PLCG2: variants seen among roughly 807,000 people sequenced by gnomAD.
PLCG2 encodes the protein 1-phosphatidylinositol 4,5-bisphosphate phosphodiesterase gamma-2.
A neutral mutation model predicts 175.6 loss-of-function variants in PLCG2; 69 were observed. The ratio of observed to expected loss-of-function variants is 0.39; its 90% CI spans 0.32 to 0.48. PLCG2 has a LOEUF of 0.48. Ranked by LOEUF, PLCG2 falls within the 20% of genes least tolerant of loss-of-function variation. The pLI is 0.91. For synonymous variants in PLCG2, 827 were observed against 624.0 expected (o/e 1.33, Z -4.85); for missense variants, 1,798 against 1,650.9 (o/e 1.09, Z -1.54).
At chr16:81,828,277 GCT>G (rs1905125946) in intron 2 of PLCG2, among the ~76,000 whole-genome samples, 1 of 96,320 alleles carries the variant, frequency 1.0e-5, no homozygotes, top group East Asian at 3.5e-4. Context: ...ACAGAATCTT[GCT>G]CTGTCACCCA....
intron 5 of PLCG2, among the ~76,000 whole-genome samples, chr16:81,861,764 G>A (rs964831897): frequency 2.0e-5 from 3 of 152,246 alleles, no homozygotes; most frequent in Non-Finnish European, 2.9e-5. Context: ...TCTCCACGCG[G>A]TGCTGGTATG....
At chr16:81,895,751 C>G (rs201085570) in intron 12 of PLCG2, 56 bp from the exon 13 acceptor site, 16 of 1,605,416 alleles carry the variant, frequency 1.0e-5, no homozygotes, top group African/African-American at 2.7e-5. Context: ...GGGGGCTGAC[C>G]TCGGGGCTGT....
At chr16:81,900,905 C>A in intron 14 of PLCG2, 125 bp downstream of exon 14, 1 of 765,728 alleles carries the variant, frequency 1.3e-6, no homozygotes, top group Non-Finnish European at 2.1e-6. Context: ...TGCACAGGCT[C>A]AAATCTGCTC....
At chr16:81,876,667 C>T (rs1033583834) in intron 7 of PLCG2, among the ~76,000 whole-genome samples, 6 of 152,172 alleles carry the variant, frequency 3.9e-5, no homozygotes, top group Admixed American at 6.5e-5. Context: ...CCAAGAGGCA[C>T]AGTGGTTAAC....
chr16:81,803,015 T>A (rs1911805426), intron 2 of PLCG2, among the ~76,000 whole-genome samples: 1 of 152,170 alleles, frequency 6.6e-6, no homozygotes, highest in African/African-American at 2.4e-5. Context: ...ACCTCTACTT[T>A]ACTTTCCCCC....
At chr16:81,935,428 A>T (rs1910667396) in intron 26 of PLCG2, 2 of 521,506 alleles carry the variant, frequency 3.8e-6, no homozygotes, top group Non-Finnish European at 4.7e-6. Context: ...GGGCCATTTA[A>T]AAAAAAAAAG....
chr16:81,833,725 G>A lies in PLCG2; in HGVS notation c.194-20719G>A, dbSNP rs544897612. 9.2e-5 allele frequency among the ~76,000 whole-genome samples: 14 copies of A among 151,858 alleles called. No individual in the cohort carries two copies. The East Asian group carries it at 2.7e-3, about 29-fold the overall frequency. ...TTATATATATTTTTTTGTAGAGGTG[G>A]GAACTTACAGCCAAGGTGAGGGTGT... On this transcript the variant is annotated intron_variant, in intron 2 of 32. Coordinates refer to ENST00000564138, the MANE Select transcript of PLCG2 (RefSeq NM_002661.5).
At chr16:81,769,010 C>G (rs991567864) in intron 2 of PLCG2, among the ~76,000 whole-genome samples, 1 of 152,170 alleles carries the variant, frequency 6.6e-6, no homozygotes, top group Admixed American at 6.5e-5. Flanking sequence ...TAGTAACTGA[C>G]ATGTGGTAGG....
intron 2 of PLCG2, among the ~76,000 whole-genome samples, chr16:81,791,569 T>TTTTG (rs960967194): frequency 1.3e-5 from 2 of 152,098 alleles, no homozygotes; most frequent in African/African-American, 4.8e-5. Context: ...TGGGATTATT[T>TTTTG]TTTGTTTGTT....
intron 3 of PLCG2, among the ~76,000 whole-genome samples, chr16:81,857,334 C>T (rs1906737237): frequency 6.6e-6 from 1 of 152,168 alleles, no homozygotes; most frequent in Admixed American, 6.5e-5. Flanking sequence ...AATTCCTCAG[C>T]TTTTTCATCC....
At chr16:81,773,493 A>T (rs1910327842) in intron 2 of PLCG2, among the ~76,000 whole-genome samples, 1 of 152,170 alleles carries the variant, frequency 6.6e-6, no homozygotes, top group African/African-American at 2.4e-5. Context: ...GCTGGGATTC[A>T]CACTGAGGCC....
chr16:81,768,087 A>G (rs888195994), intron 2 of PLCG2, among the ~76,000 whole-genome samples: 3 of 152,026 alleles, frequency 2.0e-5, no homozygotes, highest in African/African-American at 4.8e-5. Flanking sequence ...ATGGGGTTTC[A>G]CCATGTTGAC....
At chr16:81,920,506 G>A (rs1045169837) in intron 20 of PLCG2, among the ~76,000 whole-genome samples, 3 of 152,228 alleles carry the variant, frequency 2.0e-5, no homozygotes, top group Non-Finnish European at 4.4e-5. Context: ...ACCTTAGGCT[G>A]TGGGAGTGGA....
Position 81,931,633 on chromosome 16 carries a change from C to T in PLCG2, c.2718C>T (p.Ile906=). The T allele has an allele frequency of 1.2e-6, 2 of 1,613,782 alleles. No individual in the cohort carries two copies. Among genetic ancestry groups the T allele is most frequent in the South Asian group, 2.2e-5 (2 of 91,022 alleles). The change falls in exon 25 of 33, where the codon ATC becomes ATT. Residue 906 remains isoleucine (I), a synonymous_variant. Coordinates refer to ENST00000564138, the MANE Select transcript of PLCG2 (RefSeq NM_002661.5). ...LFEWFQSIRE[I]TWKIDTKENN... Reference sequence around the variant, plus strand: ...AGTGGTTTCAGAGCATCCGAGAGATCACCTGGAAGATTGACACCAAGGTAG... The same window carrying T: ...AGTGGTTTCAGAGCATCCGAGAGATTACCTGGAAGATTGACACCAAGGTAG...
Position 81,912,733 on chromosome 16 carries a change from G to C in PLCG2, c.2054+17G>C. On this transcript the variant is annotated intron_variant, in intron 19 of 32. Coordinates refer to ENST00000564138, the MANE Select transcript of PLCG2 (RefSeq NM_002661.5). Reference sequence around the variant, plus strand: ...CACCTTCAGGTGGGTGCGAGGGTGGGAGGCACATGCTCTACAGAGGGGCTT... The same window carrying C: ...CACCTTCAGGTGGGTGCGAGGGTGGCAGGCACATGCTCTACAGAGGGGCTT... 1 of 1,584,234 alleles carries C rather than the reference G, an allele frequency of 6.3e-7. No individual in the cohort carries two copies. The highest frequency in any genetic ancestry group is 8.6e-7 in the Non-Finnish European group (1 of 1,166,064).
chr16:81,795,717 A>G (rs1464341139), intron 2 of PLCG2, among the ~76,000 whole-genome samples: 1 of 151,274 alleles, frequency 6.6e-6, no homozygotes, highest in Non-Finnish European at 1.5e-5. Context: ...TTTTCTCCCC[A>G]AGAGATGGGG....
intron 21 of PLCG2, among the ~76,000 whole-genome samples, chr16:81,922,063 TG>T (rs1265064455): frequency 5.3e-5 from 8 of 152,148 alleles, no homozygotes; most frequent in African/African-American, 1.4e-4. Context: ...TTCCTTCCTG[TG>T]GCCTTGGAGA....
chr16:81,871,375 G>C (rs1177351869), intron 7 of PLCG2, among the ~76,000 whole-genome samples: 1 of 152,194 alleles, frequency 6.6e-6, no homozygotes, highest in African/African-American at 2.4e-5. Flanking sequence ...GTCTCACTCT[G>C]TTGCCCAGGC....
intron 2 of PLCG2, among the ~76,000 whole-genome samples, chr16:81,786,966 A>G (rs1196958830): frequency 2.0e-5 from 3 of 152,234 alleles, no homozygotes; most frequent in Non-Finnish European, 4.4e-5. Flanking sequence ...CTATGCTTGC[A>G]TAATGTGTGG....
Sources: allele counts gnomAD v4.1 joint callset (sites outside exome capture counted in the v4.1 genomes callset), GRCh38; gene constraint gnomAD v4.1.1; transcripts MANE v1.5; gene names NCBI Gene and HGNC (gene_info 2026-07-23, HGNC 2026-07-21).